SCML2: variants seen among roughly 807,000 people sequenced by gnomAD.
SCML2 encodes sex comb on midleg-like protein 2.
SCML2 carries 6 observed loss-of-function variants against 48.4 expected under a neutral mutation model. The ratio of observed to expected loss-of-function variants is 0.12; its 90% CI spans 0.07 to 0.24. The LOEUF (loss-of-function observed/expected upper bound fraction) is 0.24. SCML2 is among the 10% of genes least tolerant of loss of function. SCML2 has a pLI of 1.00. For synonymous variants in SCML2, 181 were observed against 189.5 expected (o/e 0.95, Z 0.37); for missense variants, 377 against 528.2 (o/e 0.71, Z 2.81).
intron 8 of SCML2, among the ~76,000 whole-genome samples, chrX:18,263,396 T>A (rs1233851497): frequency 8.9e-6 from 1 of 112,088 alleles, no homozygotes; most frequent in Non-Finnish European, 1.9e-5. Flanking sequence ...CCCAAAGATT[T>A]ACCATCTTCA....
chrX:18,277,861 G>A (rs964572367), intron 7 of SCML2, among the ~76,000 whole-genome samples: 8 of 111,062 alleles, frequency 7.2e-5, no homozygotes, highest in African/African-American at 2.0e-4. Context: ...AGGAAGTGCC[G>A]TTCCCACCAA....
At chrX:18,335,243 C>G (rs1455386389) in intron 1 of SCML2, among the ~76,000 whole-genome samples, 3 of 111,806 alleles carry the variant, frequency 2.7e-5, no homozygotes, top group Non-Finnish European at 5.6e-5. Flanking sequence ...GTGGCTCATG[C>G]CTGTAATCCC....
At chrX:18,314,247 A>C (rs1929046640) in intron 6 of SCML2, among the ~76,000 whole-genome samples, 1 of 110,511 alleles carries the variant, frequency 9.0e-6, no homozygotes, top group Non-Finnish European at 1.9e-5. Context: ...AATCCTTGCA[A>C]CTCTGCCCCA....
At chrX:18,276,497 C>T (rs764794761) in intron 7 of SCML2, among the ~76,000 whole-genome samples, 12 of 110,663 alleles carry the variant, frequency 1.1e-4, no homozygotes, top group East Asian at 2.9e-4. Flanking sequence ...TACATACATA[C>T]GTATACATAC....
chrX:18,287,973 T>G (rs1314130160), intron 7 of SCML2, among the ~76,000 whole-genome samples: 1 of 111,583 alleles, frequency 9.0e-6, no homozygotes, highest in African/African-American at 3.3e-5. Flanking sequence ...AACCAAGATT[T>G]TGGTCAAAAT....
intron 9 of SCML2, among the ~76,000 whole-genome samples, chrX:18,259,325 T>C (rs1019538549): frequency 1.8e-5 from 2 of 110,270 alleles, no homozygotes; most frequent in African/African-American, 3.3e-5. Flanking sequence ...ATAAAATAAA[T>C]TGTCCCCCTA....
At chrX:18,330,119 T>C (rs957240578) in intron 3 of SCML2, among the ~76,000 whole-genome samples, 14 of 111,582 alleles carry the variant, frequency 1.3e-4, no homozygotes, top group East Asian at 2.8e-4. Flanking sequence ...TGTTGAGTAA[T>C]GTGCCCAAGG....
At chrX:18,308,463 TCAAA>T (rs1477201452) in intron 6 of SCML2, among the ~76,000 whole-genome samples, 195 of 109,574 alleles carry the variant, frequency 1.8e-3, no homozygotes, top group African/African-American at 6.2e-3. Flanking sequence ...TATAGGGAAC[TCAAA>T]CAACTCAATA....
chrX:18,303,528 A>G (rs1046047532), intron 7 of SCML2, among the ~76,000 whole-genome samples: 23 of 111,856 alleles, frequency 2.1e-4, no homozygotes, highest in Non-Finnish European at 3.6e-4. Flanking sequence ...CCCTCCAGCC[A>G]AGACTGGAAG....
chrX:18,315,548 A>G (rs1485671657), intron 6 of SCML2, among the ~76,000 whole-genome samples: 1 of 111,581 alleles, frequency 9.0e-6, no homozygotes, highest in East Asian at 2.8e-4. Flanking sequence ...GTCAGAATCA[A>G]AATGGAGTCA....
Position 18,256,876 on chromosome X carries a change from G to C in SCML2, c.1428C>G (p.Ser476Arg). 8.3e-7 allele frequency: 1 copy of C among 1,202,266 alleles called. No homozygotes were observed. Residue 476 changes from serine (S) to arginine (R), a missense_variant, in exon 11 of 15, where the codon AGC (serine) becomes AGG (arginine). By Grantham distance (110) the Ser-to-Arg change is moderately radical. Transcript: ENST00000251900. ...ACTGATTTTTATCATGCTCTGCAGAGCTGTGAGTATGACCCCTGGAAGAAC... is the reference window on the plus strand; with the variant it reads ...ACTGATTTTTATCATGCTCTGCAGACCTGTGAGTATGACCCCTGGAAGAAC... ...PFSSSRGHTHSSAEHDKNQSA... is the reference protein window; with the variant it reads ...PFSSSRGHTHRSAEHDKNQSA...
intron 7 of SCML2, among the ~76,000 whole-genome samples, chrX:18,281,760 GA>G (rs1211142348): frequency 1.0e-3 from 84 of 83,902 alleles, no homozygotes; most frequent in African/African-American, 2.8e-3. Context: ...GAACTAGAAA[GA>G]AAAAAAAAAA....
intron 6 of SCML2, among the ~76,000 whole-genome samples, chrX:18,310,571 ATTTAT>A (rs774969668): frequency 5.8e-4 from 63 of 108,889 alleles, no homozygotes; most frequent in Middle Eastern, 4.7e-3. Context: ...CAGCCTTTAT[ATTTAT>A]TTTATTTATT....
chrX:18,297,943 A>G (rs1165802344), intron 7 of SCML2, among the ~76,000 whole-genome samples: 1 of 111,748 alleles, frequency 8.9e-6, no homozygotes, highest in Non-Finnish European at 1.9e-5. Flanking sequence ...CAGGAGGTGG[A>G]AGCTGTATTG....
At chrX:18,300,679 T>G (rs1362465361) in intron 7 of SCML2, among the ~76,000 whole-genome samples, 1 of 108,348 alleles carries the variant, frequency 9.2e-6, no homozygotes, top group Admixed American at 1.0e-4. Context: ...TAATCCCAGC[T>G]ACTCAGAAGG....
At chrX:18,281,455 T>C (rs1341722787) in intron 7 of SCML2, among the ~76,000 whole-genome samples, 1 of 112,152 alleles carries the variant, frequency 8.9e-6, no homozygotes, top group Non-Finnish European at 1.9e-5. Context: ...CTCCGGCCTG[T>C]AGTCCCAGCA....
intron 7 of SCML2, among the ~76,000 whole-genome samples, chrX:18,288,202 A>G (rs1390044903): frequency 2.7e-5 from 3 of 111,281 alleles, no homozygotes; most frequent in Non-Finnish European, 5.7e-5. Context: ...AAAAAATCTT[A>G]GCTGTCTCTG....
chrX:18,248,365 G>C (rs1926527965), intron 11 of SCML2, among the ~76,000 whole-genome samples: 1 of 112,002 alleles, frequency 8.9e-6, no homozygotes, highest in Admixed American at 9.5e-5. Context: ...CTACCTAAAG[G>C]ACCACTCCGT....
At chrX:18,300,181 C>T (rs1287737187) in intron 7 of SCML2, among the ~76,000 whole-genome samples, 1 of 110,403 alleles carries the variant, frequency 9.1e-6, no homozygotes, top group Non-Finnish European at 1.9e-5. Flanking sequence ...AGGCAGATCA[C>T]TTGAGACTAG....
Sources: allele counts gnomAD v4.1 joint callset (sites outside exome capture counted in the v4.1 genomes callset), GRCh38; gene constraint gnomAD v4.1.1; transcripts MANE v1.5; gene names NCBI Gene and HGNC (gene_info 2026-07-23, HGNC 2026-07-21).